Variants in MAS1 observed in about 807,000 individuals in gnomAD.
The protein encoded by MAS1 is MAS1 proto-oncogene, G protein-coupled receptor.
For synonymous variants in MAS1, 163 were observed against 164.2 expected (o/e 0.99, Z 0.05); for missense variants, 387 against 409.7 (o/e 0.94, Z 0.48).
Position 159,906,934 on chromosome 6 carries a change from A to G in MAS1, c.-22A>G. ...CATATTTACAGAAAATTACCTGAAG[A>G]GTTCCAACCTGAGGCCTCCTCATGG... On this transcript the variant is annotated 5_prime_UTR_variant, in exon 3 of 3. Coordinates refer to ENST00000674077, the MANE Select transcript of MAS1 (RefSeq NM_002377.4). The G allele has an allele frequency of 6.4e-7, 1 of 1,560,232 alleles. No individual in the cohort carries two copies. Among genetic ancestry groups the G allele is most frequent in the Non-Finnish European group, 8.7e-7 (1 of 1,149,574 alleles).
chr6:159,889,013 A>G (rs944914467), upstream of MAS1, among the ~76,000 whole-genome samples: 2 of 152,200 alleles, frequency 1.3e-5, no homozygotes, highest in African/African-American at 4.8e-5. Flanking sequence ...AGTGGTGCCA[A>G]TTAGTCACAA....
In MAS1 at chr6:159,907,349, C is replaced by G. The variant is rs1237898180; in HGVS notation, c.394C>G (p.Leu132Val). The G allele has an allele frequency of 6.2e-7, 1 of 1,614,202 alleles. No homozygotes were observed. Among genetic ancestry groups the G allele is most frequent in the Middle Eastern group, 1.6e-4 (1 of 6,062 alleles). The change falls in exon 3 of 3, where the codon CTG becomes GTG. Residue 132 changes from leucine (L) to valine (V), a missense_variant. Leu to Val is a conservative substitution (Grantham distance 32). Coordinates refer to ENST00000674077, the MANE Select transcript of MAS1 (RefSeq NM_002377.4). Reference sequence around the variant, plus strand: ...GACGGCCATTAGTGTGGAGAGGTGCCTGTCAGTCCTTTACCCCATCTGGTA... The same window carrying G: ...GACGGCCATTAGTGTGGAGAGGTGCGTGTCAGTCCTTTACCCCATCTGGTA... The part of the protein sequence containing the change: ...LLTAISVERC[L>V]SVLYPIWYRC...
intron 2 of MAS1, chr6:159,906,669 A>G: frequency 3.0e-6 from 1 of 331,842 alleles, no homozygotes; most frequent in Non-Finnish European, 5.5e-6. Flanking sequence ...ACAATGATAT[A>G]GAATGAATGG....
chr6:159,904,828 C>T (rs760859186), intron 2 of MAS1, among the ~76,000 whole-genome samples: 16 of 152,332 alleles, frequency 1.1e-4, no homozygotes, highest in Non-Finnish European at 4.4e-5. Context: ...GCCGTTCCTG[C>T]CTTGCTGGCC....
At chr6:159,891,206 A>T (rs1782695882) in intron 1 of MAS1, among the ~76,000 whole-genome samples, 73 bp downstream of exon 1, 1 of 152,154 alleles carries the variant, frequency 6.6e-6, no homozygotes. Flanking sequence ...CTCTTTAAAA[A>T]GCTATTTCTT....
chr6:159,889,196 A>G (rs986343231), upstream of MAS1, among the ~76,000 whole-genome samples: 2 of 152,186 alleles, frequency 1.3e-5, no homozygotes, highest in Non-Finnish European at 2.9e-5. Flanking sequence ...ACCATTATCA[A>G]TTTCCAAATT....
At position 159,907,393 on chromosome 6, in the gene MAS1, G is replaced by A. The variant is rs1304212569; in HGVS notation, c.438G>A (p.Lys146=). 1.1e-5 allele frequency: 17 copies of A among 1,614,134 alleles called. No individual in the cohort carries two copies. Among genetic ancestry groups the A allele is most frequent in the Non-Finnish European group, 1.4e-5 (16 of 1,180,034 alleles). Reference sequence around the variant, plus strand: ...TCTGGTACCGATGCCATCGCCCCAAGTACCAGTCGGCATTGGTCTGTGCCC... The same window carrying A: ...TCTGGTACCGATGCCATCGCCCCAAATACCAGTCGGCATTGGTCTGTGCCC... The part of the protein sequence containing the change: ...YPIWYRCHRP[K]YQSALVCALL... The change falls in exon 3 of 3, where the codon AAG becomes AAA. Residue 146 remains lysine, a synonymous_variant. Transcript: ENST00000674077.
chr6:159,898,212 A>C (rs532659106), intron 1 of MAS1, among the ~76,000 whole-genome samples: 24 of 152,060 alleles, frequency 1.6e-4, no homozygotes, highest in Non-Finnish European at 2.9e-4. Flanking sequence ...TTAATAAAAA[A>C]TATTCCCTAC....
In MAS1 at chr6:159,907,885, G is replaced by A; in HGVS notation, c.930G>A (p.Arg310=). 1 of 1,610,010 alleles carries A rather than the reference G, an allele frequency of 6.2e-7. No individual in the cohort carries two copies. The highest frequency in any genetic ancestry group is 1.1e-5 in the South Asian group (1 of 90,482). Residue 310 remains arginine (R), a synonymous_variant, in exon 3 of 3, where the codon CGG becomes CGA. Transcript: ENST00000674077. ...TRAFKDEMQP[R]RQKDNCNTVT... ...CTTTCAAAGATGAAATGCAACCTCGGCGCCAGAAAGACAATTGTAATACGG... is the reference window on the plus strand; with the variant it reads ...CTTTCAAAGATGAAATGCAACCTCGACGCCAGAAAGACAATTGTAATACGG...
chr6:159,908,570 ATG>A lies in MAS1; in HGVS notation c.*641_*642del, dbSNP rs1375806402. The A allele has an allele frequency of 1.3e-5, 2 of 151,134 alleles. No individual in the cohort carries two copies. Among genetic ancestry groups the A allele is most frequent in the African/African-American group, 4.9e-5 (2 of 41,148 alleles). The allele number at this position is 151,134 out of a possible 1,614,324, so 9.4% of individuals were successfully genotyped here. Reference sequence around the variant, plus strand: ...AGCTCTATCATGTACAGAAGTTATTATGTGTTTTTACATGTTGAATGTAAATT... The same window carrying A: ...AGCTCTATCATGTACAGAAGTTATTATGTTTTTACATGTTGAATGTAAATT... On this transcript the variant is annotated 3_prime_UTR_variant, in exon 3 of 3. Transcript: ENST00000674077.
upstream of MAS1, among the ~76,000 whole-genome samples, chr6:159,889,236 A>G (rs1050931719): frequency 6.6e-6 from 1 of 152,156 alleles, no homozygotes; most frequent in Admixed American, 6.5e-5. Context: ...GCCCGTGTGG[A>G]CAGACTTCTG....
rs918999217 is a variant in MAS1, at chr6:159,917,339, A to G, written c.*9406A>G. Among the ~76,000 whole-genome samples the G allele has an allele frequency of 7.2e-5, 11 of 152,276 alleles. No individual in the cohort carries two copies. Among genetic ancestry groups the G allele is most frequent in the African/African-American group, 2.7e-4 (11 of 41,478 alleles). On this transcript the variant is annotated 3_prime_UTR_variant, in exon 3 of 3. Transcript: ENST00000674077. ...TGCCTGTAAATAGAATTCCAATTCT[A>G]CATGCTCAGGGACCATTTTGTTCAC...
At position 159,910,404 on chromosome 6, in the gene MAS1, C is replaced by T. The variant is rs560606740; in HGVS notation, c.*2471C>T. 6.6e-6 allele frequency: 1 copy of T among 152,244 alleles called. No homozygotes were observed. The highest frequency in any genetic ancestry group is 1.5e-5 in the Non-Finnish European group (1 of 68,048). 9.4% of individuals were successfully genotyped at this position (152,244 alleles called of 1,614,324 possible). On this transcript the variant is annotated 3_prime_UTR_variant, in exon 3 of 3. Coordinates refer to ENST00000674077, the MANE Select transcript of MAS1 (RefSeq NM_002377.4). ...CAAAATTGTGTGGCAGAGGTCACCA[C>T]AGCAGGGGCTCTTCCTGCCACCCCC...
In MAS1 at chr6:159,907,404, C is replaced by A. The variant is rs1369328312; in HGVS notation, c.449C>A (p.Ala150Glu). The change falls in exon 3 of 3, where the codon GCA becomes GAA. Residue 150 changes from alanine to glutamate, a missense_variant. Ala to Glu is a moderately radical substitution (Grantham distance 107). Transcript: ENST00000674077. ...YRCHRPKYQS[A>E]LVCALLWALS... ...TGCCATCGCCCCAAGTACCAGTCGGCATTGGTCTGTGCCCTTCTGTGGGCT... is the reference window on the plus strand; with the variant it reads ...TGCCATCGCCCCAAGTACCAGTCGGAATTGGTCTGTGCCCTTCTGTGGGCT... 2 of 1,614,050 alleles carry A rather than the reference C, an allele frequency of 1.2e-6. No individual in the cohort carries two copies. The highest frequency in any genetic ancestry group is 2.7e-5 in the African/African-American group (2 of 74,916).
At chr6:159,896,858 TTTTGTTTG>T (rs71812549) in intron 1 of MAS1, among the ~76,000 whole-genome samples, 24 of 151,008 alleles carry the variant, frequency 1.6e-4, no homozygotes, top group South Asian at 4.2e-4. Context: ...GACTGGGTTT[TTTTGTTTG>T]TTTGTTTGTT....
At chr6:159,896,507 A>G (rs376998109) in intron 1 of MAS1, among the ~76,000 whole-genome samples, 17 of 152,348 alleles carry the variant, frequency 1.1e-4, no homozygotes, top group East Asian at 7.7e-4. Flanking sequence ...ACAAAGACCA[A>G]TGGAATATCC....
chr6:159,894,308 A>G (rs937478412), intron 1 of MAS1, among the ~76,000 whole-genome samples: 1 of 151,742 alleles, frequency 6.6e-6, no homozygotes, highest in African/African-American at 2.4e-5. Context: ...AGTCCCAGCT[A>G]CTTGGGAGGC....
chr6:159,903,295 T>C (rs1452771588), intron 2 of MAS1, among the ~76,000 whole-genome samples: 1 of 152,036 alleles, frequency 6.6e-6, no homozygotes, highest in Non-Finnish European at 1.5e-5. Context: ...TGACCCCCAC[T>C]CTGTGTCGTA....
intron 2 of MAS1, among the ~76,000 whole-genome samples, chr6:159,904,144 C>A (rs1480361398): frequency 1.3e-5 from 2 of 152,044 alleles, no homozygotes; most frequent in East Asian, 3.9e-4. Context: ...CTCCTTCTTC[C>A]TCCTCATCTC....
Sources: gnomAD v4.1 joint callset for allele counts (sites outside exome capture counted in the v4.1 genomes callset) on GRCh38, gnomAD v4.1.1 for gene constraint, MANE v1.5 for transcripts, NCBI Gene and HGNC (gene_info 2026-07-23, HGNC 2026-07-21) for gene names.